The following PRKG1 variants were observed in gnomAD, a reference collection of about 807,000 sequenced individuals.
PRKG1 encodes the protein cGMP-dependent protein kinase 1.
A neutral mutation model predicts 88.1 loss-of-function variants in PRKG1; 35 were observed. That is an observed-to-expected ratio of 0.40 (90% CI 0.30 to 0.53). PRKG1 has a LOEUF of 0.53. Among genes scored for constraint, PRKG1 ranks in the 20% least tolerant of loss-of-function variants. The probability of loss-of-function intolerance (pLI) is 0.59; values close to 1 mark genes in which losing one functional copy is unlikely to be tolerated. For synonymous variants in PRKG1, 303 were observed against 292.5 expected (o/e 1.04, Z -0.37); for missense variants, 540 against 839.8 (o/e 0.64, Z 4.41).
At chr10:52,160,450 C>T (rs1838248024) in intron 8 of PRKG1, among the ~76,000 whole-genome samples, 1 of 151,374 alleles carries the variant, frequency 6.6e-6, no homozygotes, top group African/African-American at 2.4e-5. Context: ...TTCTTGATTC[C>T]CCGTGTCTCT....
chr10:51,174,889 C>T (rs1249098222), intron 2 of PRKG1, among the ~76,000 whole-genome samples: 1 of 151,978 alleles, frequency 6.6e-6, no homozygotes, highest in African/African-American at 2.4e-5. Flanking sequence ...ATTTGCCCTA[C>T]TTGAGAATAA....
intron 2 of PRKG1, among the ~76,000 whole-genome samples, chr10:51,210,506 A>G (rs1396007109): frequency 1.3e-5 from 2 of 152,216 alleles, no homozygotes; most frequent in Non-Finnish European, 2.9e-5. Flanking sequence ...AAAACCCTTC[A>G]AAAAATCAAT....
chr10:52,030,419 C>A (rs1845446724), intron 5 of PRKG1, among the ~76,000 whole-genome samples: 1 of 152,176 alleles, frequency 6.6e-6, no homozygotes, highest in Non-Finnish European at 1.5e-5. Flanking sequence ...TGTCTGACTC[C>A]ACTTATGCGT....
At chr10:51,673,916 A>G (rs989263967) in intron 3 of PRKG1, among the ~76,000 whole-genome samples, 5 of 152,242 alleles carry the variant, frequency 3.3e-5, no homozygotes, top group African/African-American at 9.6e-5. Context: ...ATCACACACA[A>G]TCTCAGGGAA....
At chr10:51,702,556 T>C (rs1006071163) in intron 3 of PRKG1, among the ~76,000 whole-genome samples, 1 of 152,198 alleles carries the variant, frequency 6.6e-6, no homozygotes, top group Non-Finnish European at 1.5e-5. Flanking sequence ...TGGTATAGTG[T>C]ATGTCCAGAC....
intron 3 of PRKG1, among the ~76,000 whole-genome samples, chr10:51,640,597 G>A (rs1839774498): frequency 1.3e-5 from 2 of 152,118 alleles, no homozygotes. Flanking sequence ...TCTTGTTAAA[G>A]AGGGAGAAGA....
chr10:51,219,495 G>T (rs907477437), intron 2 of PRKG1, among the ~76,000 whole-genome samples: 3 of 151,910 alleles, frequency 2.0e-5, no homozygotes, highest in Admixed American at 2.0e-4. Flanking sequence ...GGATCACAAG[G>T]TCAGGGGTTT....
chr10:52,068,741 G>A (rs569784893), intron 7 of PRKG1, among the ~76,000 whole-genome samples: 78 of 152,202 alleles, frequency 5.1e-4, no homozygotes, highest in African/African-American at 1.8e-3. Context: ...ATAAAGTTTA[G>A]TGTACTGGCA....
At chr10:52,099,053 T>A (rs1847237764) in intron 7 of PRKG1, among the ~76,000 whole-genome samples, 1 of 152,198 alleles carries the variant, frequency 6.6e-6, no homozygotes, top group African/African-American at 2.4e-5. Context: ...TAAACAATTT[T>A]AGTAAGGGAT....
Position 51,653,313 on chromosome 10 carries a change from T to G in PRKG1, c.593-151272T>G, listed in dbSNP as rs868126167. Among the ~76,000 whole-genome samples, 3 of 152,194 alleles carry G rather than the reference T, an allele frequency of 2.0e-5. No individual in the cohort carries two copies. The South Asian group carries it at 6.2e-4, about 31-fold the overall frequency. Reference sequence around the variant, plus strand: ...GTGTTTTTGATTATGGCTGTGCCAATCTACATTCCCACAAACAGTGTACAA... The same window carrying G: ...GTGTTTTTGATTATGGCTGTGCCAAGCTACATTCCCACAAACAGTGTACAA... On this transcript the variant is annotated intron_variant, in intron 3 of 17. Coordinates refer to ENST00000373980, the MANE Select transcript of PRKG1 (RefSeq NM_006258.4).
chr10:51,346,380 C>G (rs546546098), intron 2 of PRKG1, among the ~76,000 whole-genome samples: 2 of 152,236 alleles, frequency 1.3e-5, no homozygotes, highest in African/African-American at 4.8e-5. Context: ...GTATTATACA[C>G]TTAATTATTT....
At chr10:51,086,179 G>A (rs1394208450) in intron 1 of PRKG1, among the ~76,000 whole-genome samples, 1 of 152,182 alleles carries the variant, frequency 6.6e-6, no homozygotes, top group African/African-American at 2.4e-5. Flanking sequence ...GGAAAGCAAT[G>A]GCAAATAAAT....
chr10:51,819,006 CAAAAAAAAAAAAAAAAAAAAAAAA>C (rs869048560), intron 4 of PRKG1, among the ~76,000 whole-genome samples: 1 of 18,332 alleles, frequency 5.5e-5, no homozygotes, highest in East Asian at 1.3e-3. Context: ...GACTCCGTCT[CAAAAAAAAAAAAAAAAAAAAAAAA>C]AAAAAAAAAA....
chr10:52,271,433 G>A lies in PRKG1; in HGVS notation c.1257G>A (p.Glu419=), dbSNP rs1841727670. The change falls in exon 11 of 18, where the codon GAG becomes GAA. Residue 419 remains glutamate (E), a synonymous_variant. Transcript: ENST00000373980. ...KRHIVDTRQQ[E]HIRSEKQIMQ... ...ACATTGTGGACACAAGACAGCAGGAGCACATCCGCTCAGAGAAGCAGATCA... is the reference window on the plus strand; with the variant it reads ...ACATTGTGGACACAAGACAGCAGGAACACATCCGCTCAGAGAAGCAGATCA... 6.2e-7 allele frequency: 1 copy of A among 1,613,056 alleles called. No individual in the cohort carries two copies. Among genetic ancestry groups the A allele is most frequent in the Non-Finnish European group, 8.5e-7 (1 of 1,179,422 alleles).
rs956043730 is a variant in PRKG1 at position 52,182,588 on chromosome 10, A to T, written c.1076+20625A>T. Among the ~76,000 whole-genome samples, 114 of 134,648 alleles carry T rather than the reference A, an allele frequency of 8.5e-4. 6 individuals are homozygous for T. Among genetic ancestry groups the T allele is most frequent in the Admixed American group, 8.3e-3 (113 of 13,644 alleles). 88.3% of individuals were successfully genotyped at this position (134,648 alleles called of 152,430 possible). Reference sequence around the variant, plus strand: ...TGTAGGTCTAACGTTTAAATCTTTAATCCATCTTGAATTAATTTTTGTATA... The same window carrying T: ...TGTAGGTCTAACGTTTAAATCTTTATTCCATCTTGAATTAATTTTTGTATA... On this transcript the variant is annotated intron_variant, in intron 9 of 17. Coordinates refer to ENST00000373980, the MANE Select transcript of PRKG1 (RefSeq NM_006258.4).
At chr10:51,483,383 T>C (rs1840430143) in intron 3 of PRKG1, among the ~76,000 whole-genome samples, 1 of 152,206 alleles carries the variant, frequency 6.6e-6, no homozygotes, top group South Asian at 2.1e-4. Context: ...ATGCCTTCCG[T>C]GTAAAATTTC....
At chr10:51,544,268 A>G (rs1842390825) in intron 3 of PRKG1, among the ~76,000 whole-genome samples, 1 of 132,868 alleles carries the variant, frequency 7.5e-6, no homozygotes, top group African/African-American at 2.8e-5. Flanking sequence ...AAGTGTTTGC[A>G]TTGATCAATT....
Position 52,164,306 on chromosome 10 carries a change from G to A in PRKG1, c.1076+2343G>A, listed in dbSNP as rs555568544. 3.4e-3 allele frequency among the ~76,000 whole-genome samples: 512 copies of A among 151,916 alleles called. 5 individuals carry two copies. The highest frequency in any genetic ancestry group is 0.011 in the African/African-American group (469 of 41,402). ...GTGGAGGTTGCCGTGAGCCAAGACC[G>A]CGCCATTACCCTCCAGCCTGGGCGA... On this transcript the variant is annotated intron_variant, in intron 9 of 17. Transcript: ENST00000373980.
intron 4 of PRKG1, among the ~76,000 whole-genome samples, chr10:51,818,188 A>G (rs1388916269): frequency 6.6e-6 from 1 of 151,522 alleles, no homozygotes; most frequent in African/African-American, 2.5e-5. Flanking sequence ...GTATTAGATA[A>G]GAAGTCAAAC....
Sources: allele counts gnomAD v4.1 joint callset (sites outside exome capture counted in the v4.1 genomes callset), GRCh38; gene constraint gnomAD v4.1.1; transcripts MANE v1.5; gene names NCBI Gene and HGNC (gene_info 2026-07-23, HGNC 2026-07-21).